The following RPL23A variants were observed in gnomAD, a reference collection of about 807,000 sequenced individuals.
RPL23A encodes large ribosomal subunit protein uL23.
A neutral mutation model predicts 17.6 loss-of-function variants in RPL23A; 2 were observed. That is an observed-to-expected ratio of 0.11 (90% CI 0.05 to 0.36). The LOEUF (loss-of-function observed/expected upper bound fraction) is 0.36. Ranked by LOEUF, RPL23A falls within the 10% of genes least tolerant of loss-of-function variation. RPL23A has a pLI of 1.00. For missense variants in RPL23A, 132 were observed against 194.4 expected (o/e 0.68, Z 1.91); for synonymous variants, 65 against 74.3 (o/e 0.87, Z 0.65).
In RPL23A at chr17:28,724,157, A is replaced by G. The variant is rs1485738712; in HGVS notation, c.*276A>G. The G allele has an allele frequency of 2.0e-6, 1 of 510,372 alleles. No individual in the cohort carries two copies. Among genetic ancestry groups the G allele is most frequent in the Admixed American group, 3.6e-5 (1 of 27,698 alleles). The allele number at this position is 510,372 out of a possible 1,614,324, so 31.6% of individuals were successfully genotyped here. A position where few individuals can be genotyped will look rare whatever the true frequency, so the allele number is the denominator to read the frequency against. On this transcript the variant is annotated 3_prime_UTR_variant, in exon 5 of 5. Transcript: ENST00000422514. ...TCCATGGTTGAGTAACAAGCTGTAC[A>G]AGAACCCCTTTTATCCCTGGAAGAG...
chr17:28,723,740 T>A, intron 4 of RPL23A, 100 bp downstream of exon 4: 1 of 1,360,930 alleles, frequency 7.3e-7, no homozygotes, highest in Non-Finnish European at 1.1e-6. Context: ...TAGTCATAAT[T>A]AACTGACTGC....
At chr17:28,722,073 G>A (rs1012429806) in intron 2 of RPL23A, among the ~76,000 whole-genome samples, 9 of 151,388 alleles carry the variant, frequency 5.9e-5, no homozygotes, top group South Asian at 4.2e-4. Context: ...GTGAAACCCC[G>A]TCTCTACTAA....
In RPL23A at chr17:28,724,023, A is replaced by G. The variant is rs914762307; in HGVS notation, c.*142A>G. On this transcript the variant is annotated 3_prime_UTR_variant, in exon 5 of 5. Coordinates refer to ENST00000422514, the MANE Select transcript of RPL23A (RefSeq NM_000984.6). ...AGGGCTTGGGCAAGACTCCTGTTCT[A>G]CTTATCCTTTTGAAATACCTCACCC... The G allele has an allele frequency of 3.4e-6, 2 of 591,432 alleles. No homozygotes were observed. The highest frequency in any genetic ancestry group is 4.9e-5 in the South Asian group (2 of 41,030). 36.6% of individuals were successfully genotyped at this position (591,432 alleles called of 1,614,324 possible). A position where few individuals can be genotyped will look rare whatever the true frequency, so the allele number is the denominator to read the frequency against.
rs891509006 is a variant in RPL23A at position 28,719,989 on chromosome 17, G to T, written c.-17G>T. 13 of 1,551,912 alleles carry T rather than the reference G, an allele frequency of 8.4e-6. No homozygotes were observed. The highest frequency in any genetic ancestry group is 3.3e-4 in the Middle Eastern group (2 of 5,978). On this transcript the variant is annotated 5_prime_UTR_variant, in exon 1 of 5. Coordinates refer to ENST00000422514, the MANE Select transcript of RPL23A (RefSeq NM_000984.6). The stretch of plus-strand genomic sequence containing the variant: ...TATAAGCCCGTGGGAACGAGCATTG[G>T]AGACCCTTTTCACAAGATGGCGCCG...
Position 28,723,553 on chromosome 17 carries a change from C to T in RPL23A, c.387-18C>T. On this transcript the variant is annotated intron_variant, in intron 3 of 4. Coordinates refer to ENST00000422514, the MANE Select transcript of RPL23A (RefSeq NM_000984.6). ...GCAGTGAGGGTGGCAGGGACTAAGGCTTCCTTCTCTACCCTAGGCCTGATG... is the reference window on the plus strand; with the variant it reads ...GCAGTGAGGGTGGCAGGGACTAAGGTTTCCTTCTCTACCCTAGGCCTGATG... 2 of 1,605,480 alleles carry T rather than the reference C, an allele frequency of 1.2e-6. No individual in the cohort carries two copies. Among genetic ancestry groups the T allele is most frequent in the Non-Finnish European group, 1.7e-6 (2 of 1,172,246 alleles).
intron 2 of RPL23A, 163 bp downstream of exon 2, chr17:28,721,053 G>A (rs1260144529): frequency 7.3e-6 from 5 of 681,156 alleles, no homozygotes; most frequent in Non-Finnish European, 9.8e-6. Context: ...TTACAAAACT[G>A]GCAGGATCAG....
In RPL23A at chr17:28,720,694, C is replaced by G; in HGVS notation, c.26-13C>G. 2.5e-6 allele frequency: 4 copies of G among 1,614,098 alleles called. No individual in the cohort carries two copies. The highest frequency in any genetic ancestry group is 2.5e-6 in the Non-Finnish European group (3 of 1,179,958). ...TAAATCCCGCACCCACGTTTTCTTTCCTTTTCTCCCAGCTCCTGCCCCTCC... is the reference window on the plus strand; with the variant it reads ...TAAATCCCGCACCCACGTTTTCTTTGCTTTTCTCCCAGCTCCTGCCCCTCC... On this transcript the variant is annotated splice_polypyrimidine_tract_variant and intron_variant, in intron 1 of 4. Coordinates refer to ENST00000422514, the MANE Select transcript of RPL23A (RefSeq NM_000984.6).
At chr17:28,722,372 T>A in intron 2 of RPL23A, 1 of 359,112 alleles carries the variant, frequency 2.8e-6, no homozygotes, top group Non-Finnish European at 5.5e-6. Flanking sequence ...TGAGAGGGAG[T>A]TTCACCATGT....
chr17:28,721,922 TG>T (rs2034121447), intron 2 of RPL23A: 1 of 152,182 alleles, frequency 6.6e-6, no homozygotes, highest in Admixed American at 6.5e-5. Flanking sequence ...AAGCCACTGC[TG>T]TGGCTTAACC....
At chr17:28,720,673 T>C in intron 1 of RPL23A, 34 bp from the exon 2 acceptor site, 1 of 1,612,424 alleles carries the variant, frequency 6.2e-7, no homozygotes, top group Non-Finnish European at 8.5e-7. Flanking sequence ...GATTTCTAAA[T>C]CCCGCACCCA....
intron 3 of RPL23A, 196 bp from the exon 4 acceptor site, chr17:28,723,375 G>A (rs570494947): frequency 2.4e-4 from 183 of 761,368 alleles, no homozygotes; most frequent in Admixed American, 5.6e-4. Flanking sequence ...GTCTTAATGT[G>A]GCCTGTGGTG....
chr17:28,721,936 A>G (rs762333148), intron 2 of RPL23A: 2 of 151,998 alleles, frequency 1.3e-5, no homozygotes, highest in Admixed American at 6.6e-5. Context: ...GCTTAACCTC[A>G]CCTATGCATA....
rs968881214 is a variant in RPL23A, at chr17:28,724,300, A to T, written c.*419A>T. The T allele has an allele frequency of 5.9e-6, 4 of 683,698 alleles. No homozygotes were observed. Among genetic ancestry groups the T allele is most frequent in the Non-Finnish European group, 1.0e-5 (4 of 400,452 alleles). 42.4% of individuals were successfully genotyped at this position (683,698 alleles called of 1,614,324 possible). A position where few individuals can be genotyped will look rare whatever the true frequency, so the allele number is the denominator to read the frequency against. ...CTCACACACCCATCTACTATGTCCA[A>T]CCGGTCTGTCTGCTTCCCTCACCCC... On this transcript the variant is annotated 3_prime_UTR_variant, in exon 5 of 5. Transcript: ENST00000422514.
intron 2 of RPL23A, chr17:28,722,048 A>G (rs2034123648): frequency 6.6e-6 from 1 of 152,538 alleles, no homozygotes; most frequent in Admixed American, 6.5e-5. Flanking sequence ...GATTGAGACC[A>G]TCGTGGCTAA....
chr17:28,722,676 C>G (rs2034138231), intron 2 of RPL23A, 47 bp from the exon 3 acceptor site: 1 of 1,543,766 alleles, frequency 6.5e-7, no homozygotes, highest in Non-Finnish European at 9.0e-7. Flanking sequence ...GCTCTGGGCT[C>G]CAAAAGAATG....
At chr17:28,721,109 T>C in intron 2 of RPL23A, 1 of 445,166 alleles carries the variant, frequency 2.2e-6, no homozygotes, top group Non-Finnish European at 4.1e-6. Flanking sequence ...CCCAGCACTT[T>C]GGGAGGCCGA....
At chr17:28,723,438 A>G (rs2034151982) in intron 3 of RPL23A, 133 bp from the exon 4 acceptor site, 2 of 801,526 alleles carry the variant, frequency 2.5e-6, no homozygotes, top group South Asian at 1.3e-5. Flanking sequence ...TGGGCTAATG[A>G]TGGAAAAATC....
chr17:28,721,007 C>CT, intron 2 of RPL23A, 117 bp downstream of exon 2: 2 of 874,468 alleles, frequency 2.3e-6, no homozygotes, highest in Non-Finnish European at 3.6e-6. Context: ...GTGTGCTTCT[C>CT]TAATTGGAAG....
At chr17:28,723,719 T>C (rs1237207798) in intron 4 of RPL23A, 79 bp downstream of exon 4, 1 of 1,428,760 alleles carries the variant, frequency 7.0e-7, no homozygotes, top group East Asian at 2.3e-5. Context: ...CAAAGCCTGA[T>C]CTTTGCTGAT....
Sources: allele counts gnomAD v4.1 joint callset (sites outside exome capture counted in the v4.1 genomes callset), GRCh38; gene constraint gnomAD v4.1.1; transcripts MANE v1.5; gene names NCBI Gene and HGNC (gene_info 2026-07-23, HGNC 2026-07-21).